EXOC6B: variants seen among roughly 807,000 people sequenced by gnomAD.
EXOC6B encodes the protein exocyst complex component 6B, also known as SEC15 homolog B.
A neutral mutation model predicts 113.5 loss-of-function variants in EXOC6B; 54 were observed. The observed-to-expected ratio is 0.48, with a 90% CI of 0.38 to 0.60. The LOEUF (loss-of-function observed/expected upper bound fraction) is 0.60, where lower values mean the gene tolerates loss of function less well. Ranked by LOEUF, EXOC6B falls within the 20% of genes least tolerant of loss-of-function variation. EXOC6B has a pLI of 0.00. For synonymous variants in EXOC6B, 357 were observed against 339.0 expected (o/e 1.05, Z -0.58); for missense variants, 797 against 977.5 (o/e 0.82, Z 2.46).
intron 6 of EXOC6B, among the ~76,000 whole-genome samples, chr2:72,596,165 T>C (rs1013930938): frequency 5.3e-5 from 8 of 152,100 alleles, no homozygotes; most frequent in Admixed American, 4.6e-4. Context: ...GTGAAAAGCT[T>C]AGAAGCTGTG....
At chr2:72,191,791 T>C (rs1487774875) in intron 20 of EXOC6B, among the ~76,000 whole-genome samples, 1 of 152,210 alleles carries the variant, frequency 6.6e-6, no homozygotes, top group Admixed American at 6.5e-5. Context: ...CTGTTGATCC[T>C]TGTTAGTGCA....
chr2:72,602,829 C>T (rs554663241), intron 6 of EXOC6B, among the ~76,000 whole-genome samples: 1 of 152,290 alleles, frequency 6.6e-6, no homozygotes, highest in African/African-American at 2.4e-5. Context: ...AGCATTCCTC[C>T]TCCCCACTCA....
intron 18 of EXOC6B, among the ~76,000 whole-genome samples, chr2:72,443,945 C>T (rs1221625491): frequency 7.2e-5 from 11 of 152,160 alleles, no homozygotes; most frequent in Admixed American, 1.3e-4. Flanking sequence ...AAAACCAACC[C>T]TGCCTTCCCA....
chr2:72,191,969 A>T (rs1468822200), intron 20 of EXOC6B, among the ~76,000 whole-genome samples: 1 of 152,176 alleles, frequency 6.6e-6, no homozygotes, highest in Non-Finnish European at 1.5e-5. Context: ...TTACCCAAAA[A>T]AACTCAGAAA....
At chr2:72,334,687 G>A (rs1688587755) in intron 20 of EXOC6B, among the ~76,000 whole-genome samples, 2 of 152,154 alleles carry the variant, frequency 1.3e-5, no homozygotes, top group South Asian at 4.1e-4. Flanking sequence ...CATCACTTGA[G>A]GGTCACTTGA....
At chr2:72,704,586 C>T (rs1678703092) in intron 6 of EXOC6B, among the ~76,000 whole-genome samples, 1 of 151,728 alleles carries the variant, frequency 6.6e-6, no homozygotes, top group East Asian at 1.9e-4. Flanking sequence ...GCTAGCAAGA[C>T]TAACAAAGAA....
intron 1 of EXOC6B, among the ~76,000 whole-genome samples, chr2:72,747,593 T>G (rs1558969887): frequency 6.6e-6 from 1 of 152,084 alleles, no homozygotes; most frequent in African/African-American, 2.4e-5. Flanking sequence ...CCCTTGATAT[T>G]CTGCTACTTG....
chr2:72,804,734 T>A (rs1382749463), intron 1 of EXOC6B, among the ~76,000 whole-genome samples: 2 of 152,100 alleles, frequency 1.3e-5, no homozygotes, highest in Non-Finnish European at 2.9e-5. Flanking sequence ...TAGCTGGGAT[T>A]ACAGGCACGC....
At chr2:72,701,988 G>A (rs1322774394) in intron 6 of EXOC6B, among the ~76,000 whole-genome samples, 1 of 149,346 alleles carries the variant, frequency 6.7e-6, no homozygotes, top group Non-Finnish European at 1.5e-5. Flanking sequence ...AGTTACATAT[G>A]TATACATGTG....
At chr2:72,459,656 A>C (rs904217317) in intron 18 of EXOC6B, among the ~76,000 whole-genome samples, 4 of 152,158 alleles carry the variant, frequency 2.6e-5, no homozygotes, top group Non-Finnish European at 4.4e-5. Flanking sequence ...AAGGGATGTG[A>C]AGGACCTCTT....
chr2:72,480,862 T>C lies in EXOC6B; in HGVS notation c.1666-112A>G, dbSNP rs1019782548. The C allele has an allele frequency of 1.6e-5, 18 of 1,096,314 alleles. No individual in the cohort carries two copies. In the African/African-American group the frequency reaches 2.9e-4, roughly 18 times the overall value. The allele number at this position is 1,096,314 out of a possible 1,614,324, so 67.9% of individuals were successfully genotyped here. ...ATGTAAGGCATAATGGAAAAGGCCA[T>C]CCACATTCGGGCAAGGGGTATGTTA... On this transcript the variant is annotated intron_variant, in intron 16 of 21. Coordinates refer to ENST00000272427, the MANE Select transcript of EXOC6B (RefSeq NM_015189.3).
intron 20 of EXOC6B, among the ~76,000 whole-genome samples, chr2:72,328,787 C>T (rs1688276415): frequency 6.6e-6 from 1 of 152,100 alleles, no homozygotes; most frequent in East Asian, 1.9e-4. Context: ...CATTTCTCAT[C>T]TGCCCTCCTC....
chr2:72,756,115 A>C (rs1682397801), intron 1 of EXOC6B, among the ~76,000 whole-genome samples: 1 of 152,062 alleles, frequency 6.6e-6, no homozygotes, highest in Admixed American at 6.6e-5. Flanking sequence ...TGTCAGGTGG[A>C]GTCTGTTAAA....
intron 19 of EXOC6B, among the ~76,000 whole-genome samples, chr2:72,346,396 G>A (rs996315453): frequency 2.0e-5 from 3 of 152,092 alleles, no homozygotes; most frequent in Non-Finnish European, 2.9e-5. Context: ...TAATGTTAAT[G>A]ACAACATACA....
chr2:72,594,582 T>C (rs1669949314), intron 6 of EXOC6B, among the ~76,000 whole-genome samples: 1 of 152,198 alleles, frequency 6.6e-6, no homozygotes. Context: ...GGAGAAAGTG[T>C]TTTGATACAA....
chr2:72,757,003 T>C (rs1287348284), intron 1 of EXOC6B, among the ~76,000 whole-genome samples: 1 of 152,164 alleles, frequency 6.6e-6, no homozygotes, highest in Non-Finnish European at 1.5e-5. Flanking sequence ...AGCAAACTAA[T>C]ACAATGTTTA....
At chr2:72,220,882 G>A (rs954361239) in intron 20 of EXOC6B, among the ~76,000 whole-genome samples, 3 of 152,072 alleles carry the variant, frequency 2.0e-5, no homozygotes, top group African/African-American at 7.2e-5. Flanking sequence ...TAGGGGTACA[G>A]GTGATAATTT....
chr2:72,746,390 C>T (rs1681696009), intron 1 of EXOC6B, among the ~76,000 whole-genome samples: 1 of 152,036 alleles, frequency 6.6e-6, no homozygotes, highest in Admixed American at 6.6e-5. Context: ...CATGTGGAGT[C>T]TGGTTTCCAA....
At chr2:72,402,668 C>T (rs997425925) in intron 18 of EXOC6B, among the ~76,000 whole-genome samples, 1 of 152,048 alleles carries the variant, frequency 6.6e-6, no homozygotes, top group African/African-American at 2.4e-5. Context: ...TTTGCTACTT[C>T]GAATAGGCCA....
Sources: allele counts gnomAD v4.1 joint callset (sites outside exome capture counted in the v4.1 genomes callset), GRCh38; gene constraint gnomAD v4.1.1; transcripts MANE v1.5; gene names NCBI Gene and HGNC (gene_info 2026-07-23, HGNC 2026-07-21).